PDE1A: variants seen among roughly 807,000 people sequenced by gnomAD.
PDE1A encodes the protein phosphodiesterase 1A, also known as dual specificity calcium/calmodulin-dependent 3',5'-cyclic nucleotide phosphodiesterase 1A.
A neutral mutation model predicts 61.7 loss-of-function variants in PDE1A; 35 were observed. The ratio of observed to expected loss-of-function variants is 0.57; its 90% CI spans 0.43 to 0.75. PDE1A has a LOEUF of 0.75. Ranked by LOEUF, PDE1A falls within the 30% of genes least tolerant of loss-of-function variation. The pLI is 0.00. For synonymous variants in PDE1A, 232 were observed against 213.2 expected (o/e 1.09, Z -0.77); for missense variants, 597 against 630.6 (o/e 0.95, Z 0.57).
rs1236185202 is a variant in PDE1A, at chr2:182,279,404, G to T, written c.54-14990C>A. On this transcript the variant is annotated intron_variant, in intron 1 of 13. Transcript: ENST00000351439. Reference sequence around the variant, plus strand: ...ATGACCATCAAAACAGAATGGCTTTGGTTACTGGTAAGAGCAACCTTCCTT... The same window carrying T: ...ATGACCATCAAAACAGAATGGCTTTTGTTACTGGTAAGAGCAACCTTCCTT... 2.0e-5 allele frequency among the ~76,000 whole-genome samples: 3 copies of T among 146,954 alleles called. No homozygotes were observed. In the East Asian group the frequency reaches 6.2e-4, roughly 30 times the overall value.
intron 2 of PDE1A, among the ~76,000 whole-genome samples, chr2:182,473,794 C>G (rs1381528078): frequency 6.6e-6 from 1 of 151,998 alleles, no homozygotes; most frequent in Non-Finnish European, 1.5e-5. Context: ...TCAGCTCCAT[C>G]CACGTTCCTT....
At chr2:182,669,568 A>T in the PDE1A span, among the ~76,000 whole-genome samples, 1 of 152,144 alleles carries the variant, frequency 6.6e-6, no homozygotes, top group South Asian at 2.1e-4. Flanking sequence ...ATTTTTCCCT[A>T]TTAAGCATGT....
At chr2:182,141,985 A>G (rs991513163) in exon 15 of PDE1A, 1 of 152,238 alleles carries the variant, frequency 6.6e-6, no homozygotes, top group Non-Finnish European at 1.5e-5. Context: ...GACTTTGCAC[A>G]TGCTCAGGCA....
At chr2:182,640,849 G>C in the PDE1A span, among the ~76,000 whole-genome samples, 21 of 151,694 alleles carry the variant, frequency 1.4e-4, no homozygotes, top group Admixed American at 5.9e-4. Flanking sequence ...GTAAAACCTC[G>C]TTTCTACTAA....
At chr2:182,462,267 C>T (rs1297756940) in intron 2 of PDE1A, among the ~76,000 whole-genome samples, 1 of 151,780 alleles carries the variant, frequency 6.6e-6, no homozygotes, top group East Asian at 1.9e-4. Context: ...AACAAACCTG[C>T]ACGTTGTGCA....
chr2:182,375,017 C>T (rs750092933), intron 1 of PDE1A, among the ~76,000 whole-genome samples: 1 of 152,126 alleles, frequency 6.6e-6, no homozygotes, highest in Non-Finnish European at 1.5e-5. Context: ...TTATTCACTA[C>T]CATGAGAACA....
chr2:182,526,860 C>T (rs1229421186), upstream of PDE1A, among the ~76,000 whole-genome samples: 3 of 152,122 alleles, frequency 2.0e-5, no homozygotes, highest in Non-Finnish European at 4.4e-5. Flanking sequence ...GTAAGAGTCA[C>T]TAGACAAAAA....
At chr2:182,324,913 G>T (rs1018643421) in intron 1 of PDE1A, among the ~76,000 whole-genome samples, 3 of 152,164 alleles carry the variant, frequency 2.0e-5, no homozygotes, top group African/African-American at 7.2e-5. Flanking sequence ...CTTTCACAAA[G>T]GTTATCACAA....
At chr2:182,548,858 G>C in the PDE1A span, among the ~76,000 whole-genome samples, 1 of 152,162 alleles carries the variant, frequency 6.6e-6, no homozygotes, top group African/African-American at 2.4e-5. Flanking sequence ...TGTCCTCTAA[G>C]TGTGTGCAGA....
chr2:182,475,534 T>C (rs892099484), intron 2 of PDE1A, among the ~76,000 whole-genome samples: 10 of 151,962 alleles, frequency 6.6e-5, no homozygotes, highest in Non-Finnish European at 1.0e-4. Flanking sequence ...CCATTCTCAT[T>C]ATTACTTTAA....
chr2:182,488,223 C>G (rs951853456), intron 2 of PDE1A, among the ~76,000 whole-genome samples: 2 of 152,148 alleles, frequency 1.3e-5, no homozygotes, highest in African/African-American at 2.4e-5. Flanking sequence ...AATTTGTAAT[C>G]TGTCAATATT....
At position 182,460,670 on chromosome 2, in the gene PDE1A, T is replaced by G. The variant is rs1686224535; in HGVS notation, c.101+61606A>C. Reference sequence around the variant, plus strand: ...TTAGTGGACAGAATTGGATTAAGTATGCATAAACAAGAGTAACTAAAAAGA... The same window carrying G: ...TTAGTGGACAGAATTGGATTAAGTAGGCATAAACAAGAGTAACTAAAAAGA... On this transcript the variant is annotated intron_variant, in intron 2 of 14. Transcript: ENST00000410103. Among the ~76,000 whole-genome samples, 2 of 152,312 alleles carry G rather than the reference T, an allele frequency of 1.3e-5. 1 individual carries two copies. The highest frequency in any genetic ancestry group is 4.8e-5 in the African/African-American group (2 of 41,584).
chr2:182,569,422 C>A, the PDE1A span, among the ~76,000 whole-genome samples: 1 of 152,062 alleles, frequency 6.6e-6, no homozygotes, highest in Non-Finnish European at 1.5e-5. Context: ...TATGGTCAAC[C>A]TGCTCCCAGC....
chr2:182,472,662 A>G (rs536035690), intron 2 of PDE1A, among the ~76,000 whole-genome samples: 31 of 152,014 alleles, frequency 2.0e-4, no homozygotes, highest in African/African-American at 6.7e-4. Flanking sequence ...ATGACAGTGT[A>G]GTACATCAAT....
At chr2:182,363,052 G>A (rs1471291087) in intron 1 of PDE1A, among the ~76,000 whole-genome samples, 1 of 151,826 alleles carries the variant, frequency 6.6e-6, no homozygotes, top group Non-Finnish European at 1.5e-5. Context: ...CACACACTGG[G>A]GCCTATTGGA....
intron 2 of PDE1A, among the ~76,000 whole-genome samples, chr2:182,513,298 C>A (rs1689926266): frequency 6.6e-6 from 1 of 152,186 alleles, no homozygotes; most frequent in African/African-American, 2.4e-5. Flanking sequence ...CTATATTCAG[C>A]ATCCTTACAG....
the PDE1A span, among the ~76,000 whole-genome samples, chr2:182,620,393 C>G: frequency 3.9e-5 from 6 of 152,118 alleles, no homozygotes; most frequent in African/African-American, 1.4e-4. Flanking sequence ...ATTATAGCAT[C>G]TATAAATTTG....
chr2:182,683,035 T>A, the PDE1A span, among the ~76,000 whole-genome samples: 1 of 152,092 alleles, frequency 6.6e-6, no homozygotes, highest in East Asian at 1.9e-4. Context: ...ATCAAACATA[T>A]ATGAATTGCA....
chr2:182,690,706 AG>A, the PDE1A span, among the ~76,000 whole-genome samples: 3 of 152,208 alleles, frequency 2.0e-5, no homozygotes, highest in Admixed American at 6.5e-5. Flanking sequence ...AAAGAAATAA[AG>A]GGTATTCAAT....
Sources: gnomAD v4.1 joint callset for allele counts (sites outside exome capture counted in the v4.1 genomes callset) on GRCh38, gnomAD v4.1.1 for gene constraint, MANE v1.5 for transcripts, NCBI Gene and HGNC (gene_info 2026-07-23, HGNC 2026-07-21) for gene names.